Variants in GDPD4 observed in about 807,000 individuals in gnomAD.
GDPD4 encodes glycerophosphodiester phosphodiesterase domain containing 4.
In GDPD4, 60 loss-of-function variants were observed where a neutral mutation model predicts 67.8. The ratio of observed to expected loss-of-function variants is 0.88; its 90% CI spans 0.72 to 1.10. The LOEUF (loss-of-function observed/expected upper bound fraction) is 1.10. Ranked by LOEUF, GDPD4 falls within the 50% of genes least tolerant of loss-of-function variation. GDPD4 has a pLI of 0.00. For synonymous variants in GDPD4, 212 were observed against 210.9 expected (o/e 1.00, Z -0.04); for missense variants, 623 against 613.9 (o/e 1.01, Z -0.16).
In GDPD4 at chr11:77,216,658, A is replaced by G. The variant is rs1204025901; in HGVS notation, c.*619T>C. Reference sequence around the variant, plus strand: ...ATAAACCTGACAGCAACCAGTTCCAAGACCACACACAGCAGTTTTCCCCTT... The same window carrying G: ...ATAAACCTGACAGCAACCAGTTCCAGGACCACACACAGCAGTTTTCCCCTT... On this transcript the variant is annotated 3_prime_UTR_variant, in exon 17 of 17. Transcript: ENST00000315938. The G allele has an allele frequency of 2.8e-5, 14 of 493,492 alleles. No individual in the cohort carries two copies. The highest frequency in any genetic ancestry group is 5.1e-5 in the Non-Finnish European group (14 of 275,080). 30.6% of individuals were successfully genotyped at this position (493,492 alleles called of 1,614,324 possible). A position where few individuals can be genotyped will look rare whatever the true frequency, so the allele number is the denominator to read the frequency against.
intron 11 of GDPD4, among the ~76,000 whole-genome samples, chr11:77,249,547 G>A (rs1024017177): frequency 6.6e-6 from 1 of 152,122 alleles, no homozygotes; most frequent in Non-Finnish European, 1.5e-5. Context: ...CTGTAATAGA[G>A]GTGAGGACAC....
chr11:77,255,769 G>A (rs1352011015), intron 11 of GDPD4, among the ~76,000 whole-genome samples: 1 of 151,990 alleles, frequency 6.6e-6, no homozygotes, highest in East Asian at 1.9e-4. Context: ...GCTGAGGCAG[G>A]AGAATTGCTC....
Position 77,242,963 on chromosome 11 carries a change from T to C in GDPD4, c.1241+731A>G, listed in dbSNP as rs191009552. Among the ~76,000 whole-genome samples the C allele has an allele frequency of 3.0e-3, 464 of 152,192 alleles. 1 individual carries two copies. Among genetic ancestry groups the C allele is most frequent in the African/African-American group, 0.011 (447 of 41,538 alleles). ...TATAGATAGGTAGATAATAGATATC[T>C]ATATATTATGTATCTCTAACCTGTT... is the stretch of plus-strand genomic sequence containing the variant. On this transcript the variant is annotated intron_variant, in intron 13 of 16. Transcript: ENST00000315938.
Position 77,243,815 on chromosome 11 carries a change from C to CA in GDPD4, c.1119_1120insT (p.Val374CysfsTer18), listed in dbSNP as rs1565517700. On this transcript the variant is annotated frameshift_variant, in exon 13 of 17. Coordinates refer to ENST00000315938, the MANE Select transcript of GDPD4 (RefSeq NM_182833.3). LOFTEE classifies it high-confidence loss of function. ...TGAAAACCAGGAGCCACGGACCTGA[C>CA]GTATTGCCTATCATGAGCTGGCAAC... 2 of 1,613,620 alleles carry CA rather than the reference C, an allele frequency of 1.2e-6. No individual in the cohort carries two copies. Among genetic ancestry groups the CA allele is most frequent in the Non-Finnish European group, 1.7e-6 (2 of 1,179,736 alleles).
rs71043564 is a variant in GDPD4 at position 77,277,391 on chromosome 11, C to CTTTTTTTTTTTTTTTTTTTTTTT, written c.148-1194_148-1172dup. ...ACAAACCTCTTTTCAGCCATGTTTC[C>CTTTTTTTTTTTTTTTTTTTTTTT]TTTTTTTTTTTTTTTTTTTTTTTTT... On this transcript the variant is annotated intron_variant, in intron 4 of 16. Transcript: ENST00000315938. 6.9e-5 allele frequency among the ~76,000 whole-genome samples: 4 copies of CTTTTTTTTTTTTTTTTTTTTTTT among 58,346 alleles called. 1 individual carries two copies. The highest frequency in any genetic ancestry group is 1.2e-4 in the Non-Finnish European group (4 of 32,394). 38.3% of individuals were successfully genotyped at this position (58,346 alleles called of 152,430 possible).
Position 77,266,086 on chromosome 11 carries a change from A to G in GDPD4, c.707+2371T>C, listed in dbSNP as rs138856476. On this transcript the variant is annotated intron_variant, in intron 10 of 16. Coordinates refer to ENST00000315938, the MANE Select transcript of GDPD4 (RefSeq NM_182833.3). ...TAAAGGACATTTGGGTTGTTTCTAGATTTGGGCTATTACAAATAAAACAGC... is the reference window on the plus strand; with the variant it reads ...TAAAGGACATTTGGGTTGTTTCTAGGTTTGGGCTATTACAAATAAAACAGC... Among the ~76,000 whole-genome samples the G allele has an allele frequency of 6.2e-3, 940 of 152,270 alleles. 12 individuals are homozygous for G. The highest frequency in any genetic ancestry group is 0.022 in the African/African-American group (905 of 41,556).
chr11:77,232,316 G>A (rs913916674), intron 14 of GDPD4, among the ~76,000 whole-genome samples: 9 of 152,222 alleles, frequency 5.9e-5, no homozygotes, highest in East Asian at 3.8e-4. Context: ...TCAATGCAGC[G>A]AAATTAAACT....
chr11:77,228,039 C>A (rs1414266924), intron 15 of GDPD4, 123 bp from the exon 16 acceptor site: 5 of 747,510 alleles, frequency 6.7e-6, no homozygotes, highest in Admixed American at 5.8e-5. Flanking sequence ...ATAGCATTTG[C>A]CTGCAAGGAT....
chr11:77,286,663 A>G (rs1320174198), intron 2 of GDPD4, among the ~76,000 whole-genome samples: 2 of 152,244 alleles, frequency 1.3e-5, no homozygotes, highest in East Asian at 3.8e-4. Context: ...CACTTATACC[A>G]TGTAGCTCAC....
intron 13 of GDPD4, among the ~76,000 whole-genome samples, chr11:77,235,790 C>CA (rs1175194875): frequency 6.6e-6 from 1 of 151,806 alleles, no homozygotes; most frequent in Admixed American, 6.6e-5. Context: ...CCTGTCTGTA[C>CA]AAAAAAATTT....
intron 3 of GDPD4, among the ~76,000 whole-genome samples, chr11:77,281,256 C>A (rs1307107530): frequency 1.3e-5 from 2 of 152,152 alleles, no homozygotes; most frequent in Admixed American, 6.5e-5. Context: ...CTGTAAGATG[C>A]AGCTTTCTTG....
chr11:77,286,083 T>G (rs1481133893), intron 2 of GDPD4, among the ~76,000 whole-genome samples: 1 of 152,196 alleles, frequency 6.6e-6, no homozygotes, highest in Non-Finnish European at 1.5e-5. Context: ...TCTCCCTCTC[T>G]AGCTTCTTTT....
chr11:77,225,718 TAG>T (rs1958319956), intron 16 of GDPD4, among the ~76,000 whole-genome samples: 1 of 152,134 alleles, frequency 6.6e-6, no homozygotes, highest in Admixed American at 6.5e-5. Flanking sequence ...CCCCTCACAC[TAG>T]AGAGAGGCCT....
intron 3 of GDPD4, among the ~76,000 whole-genome samples, chr11:77,283,663 GA>G (rs1959858782): frequency 6.6e-6 from 1 of 151,782 alleles, no homozygotes; most frequent in Non-Finnish European, 1.5e-5. Context: ...GTAGGCAAAG[GA>G]AAATAAATTT....
intron 1 of GDPD4, among the ~76,000 whole-genome samples, chr11:77,295,557 G>A (rs1937925701): frequency 6.6e-6 from 1 of 152,076 alleles, no homozygotes; most frequent in African/African-American, 2.4e-5. Flanking sequence ...ACTTGAGCTG[G>A]GAGGTTGAGG....
In GDPD4 at chr11:77,258,879, T is replaced by A. The variant is rs111921041; in HGVS notation, c.708-337A>T. 3.3e-3 allele frequency among the ~76,000 whole-genome samples: 509 copies of A among 152,326 alleles called. 1 individual carries two copies. Among genetic ancestry groups the A allele is most frequent in the African/African-American group, 0.011 (473 of 41,584 alleles). ...GTAGGGATGATGCAAGGTCCTCAGGTTCCAGGACCATACTAAGCAGGTGTC... is the reference window on the plus strand; with the variant it reads ...GTAGGGATGATGCAAGGTCCTCAGGATCCAGGACCATACTAAGCAGGTGTC... On this transcript the variant is annotated intron_variant, in intron 10 of 16. Transcript: ENST00000315938.
At chr11:77,285,851 A>G (rs1290349005) in intron 2 of GDPD4, among the ~76,000 whole-genome samples, 1 of 152,180 alleles carries the variant, frequency 6.6e-6, no homozygotes, top group Admixed American at 6.5e-5. Flanking sequence ...GTGTAAGCTC[A>G]AAGCCAAAAT....
At chr11:77,297,396 C>T (rs1048721342) in intron 1 of GDPD4, among the ~76,000 whole-genome samples, 7 of 151,808 alleles carry the variant, frequency 4.6e-5, no homozygotes, top group South Asian at 2.1e-4. Context: ...ATTAGCCAGG[C>T]GCGGTGGCTG....
chr11:77,289,892 C>G (rs1937711260), intron 1 of GDPD4, among the ~76,000 whole-genome samples: 1 of 151,864 alleles, frequency 6.6e-6, no homozygotes, highest in East Asian at 1.9e-4. Flanking sequence ...TAAAGAAACC[C>G]TACATGACAT....
Sources: gnomAD v4.1 joint callset for allele counts (sites outside exome capture counted in the v4.1 genomes callset) on GRCh38, gnomAD v4.1.1 for gene constraint, MANE v1.5 for transcripts, NCBI Gene and HGNC (gene_info 2026-07-23, HGNC 2026-07-21) for gene names.